Variants in MTMR11 observed in about 807,000 individuals in gnomAD.
MTMR11 encodes myotubularin related protein 11.
Under a neutral mutation model 100.0 loss-of-function variants are expected in MTMR11, and 89 were observed. The ratio of observed to expected loss-of-function variants is 0.89; its 90% CI spans 0.75 to 1.06. The LOEUF (loss-of-function observed/expected upper bound fraction) is 1.06, where lower values mean the gene tolerates loss of function less well. Among genes scored for constraint, MTMR11 ranks in the 50% least tolerant of loss-of-function variants. MTMR11 has a pLI of 0.00. For synonymous variants in MTMR11, 336 were observed against 326.3 expected (o/e 1.03, Z -0.32); for missense variants, 809 against 873.7 (o/e 0.93, Z 0.93).
At chr1:149,930,576 G>T in intron 14 of MTMR11, 29 bp from the exon 15 acceptor site, 1 of 1,571,848 alleles carries the variant, frequency 6.4e-7, no homozygotes, top group Non-Finnish European at 8.7e-7. Flanking sequence ...AAAAAGGATG[G>T]TTACACACAA....
intron 1 of MTMR11, 121 bp from the exon 2 acceptor site, chr1:149,936,350 T>G: frequency 1.3e-6 from 2 of 1,508,932 alleles, no homozygotes. Flanking sequence ...TCAGTGTCTG[T>G]GGGGAGCTCC....
Position 149,936,139 on chromosome 1 carries a change from A to T in MTMR11, c.142+15T>A. The T allele has an allele frequency of 1.2e-6, 2 of 1,609,040 alleles. No individual in the cohort carries two copies. Among genetic ancestry groups the T allele is most frequent in the African/African-American group, 1.3e-5 (1 of 74,860 alleles). On this transcript the variant is annotated intron_variant, in intron 2 of 16. Transcript: ENST00000439741. ...GAAATTTGGAAGTCTTTGGAGAGTG[A>T]TAGGGCATTATTACCTGGGAGGCAT... is the stretch of plus-strand genomic sequence containing the variant.
intron 2 of MTMR11, 84 bp downstream of exon 2, chr1:149,936,070 A>G (rs782573059): frequency 2.8e-6 from 4 of 1,410,226 alleles, no homozygotes. Context: ...AGAGGAACAC[A>G]GGGGTATCTT....
intron 10 of MTMR11, 110 bp from the exon 11 acceptor site, chr1:149,932,440 G>T: frequency 1.2e-6 from 1 of 826,678 alleles, no homozygotes; most frequent in Non-Finnish European, 2.0e-6. Flanking sequence ...ATTGTAAATG[G>T]CCAGGATGGT....
At chr1:149,932,169 A>G in intron 11 of MTMR11, 95 bp downstream of exon 11, 1 of 1,433,796 alleles carries the variant, frequency 7.0e-7, no homozygotes, top group South Asian at 1.2e-5. Flanking sequence ...GAAACCGAGG[A>G]GAAGAACTAA....
At chr1:149,933,251 C>A (rs2092683037) in intron 10 of MTMR11, among the ~76,000 whole-genome samples, 155 bp downstream of exon 10, 1 of 151,928 alleles carries the variant, frequency 6.6e-6, no homozygotes. Flanking sequence ...CCACCATGCC[C>A]AGCCGAGACT....
chr1:149,935,814 C>T, intron 2 of MTMR11, 109 bp from the exon 3 acceptor site: 1 of 1,279,994 alleles, frequency 7.8e-7, no homozygotes, highest in Non-Finnish European at 1.1e-6. Context: ...GATTAAAATC[C>T]TCCCCAAAGC....
chr1:149,929,287 G>A lies in MTMR11; in HGVS notation c.1972C>T (p.Leu658Phe). The A allele has an allele frequency of 6.2e-7, 1 of 1,614,074 alleles. No individual in the cohort carries two copies. The highest frequency in any genetic ancestry group is 8.5e-7 in the Non-Finnish European group (1 of 1,179,964). The change falls in exon 17 of 17, where the codon CTC becomes TTC. Residue 658 changes from leucine (L) to phenylalanine (F), a missense_variant. Transcript: ENST00000439741. ...TGAAGATGGGATAGCTCATCCTGGA[G>A]GCCAGAGATTGTGGGAGCTGAGAGG... is the stretch of plus-strand genomic sequence containing the variant. ...MGLSAPTISG[L>F]QDELSHLQEL...
chr1:149,934,055 G>C, intron 7 of MTMR11, 113 bp from the exon 8 acceptor site: 1 of 1,539,760 alleles, frequency 6.5e-7, no homozygotes, highest in Non-Finnish European at 9.0e-7. Context: ...TCAGGTTTAG[G>C]GATCTAGGAG....
rs1171354339 is a variant in MTMR11, at chr1:149,933,673, C to G, written c.797G>C (p.Gly266Ala). 1 of 1,614,178 alleles carries G rather than the reference C, an allele frequency of 6.2e-7. No individual in the cohort carries two copies. The highest frequency in any genetic ancestry group is 1.7e-5 in the Admixed American group (1 of 60,028). Residue 266 changes from glycine (G) to alanine (A), a missense_variant, in exon 9 of 17, where the codon GGC becomes GCC. Physicochemically the swap from Gly to Ala is moderately conservative, Grantham distance 60. Coordinates refer to ENST00000439741, the MANE Select transcript of MTMR11 (RefSeq NM_001145862.2). Reference protein sequence around the residue: ...GPRLSWHHPGGSDLLRCGGFY... With the variant: ...GPRLSWHHPGASDLLRCGGFY... ...GCCTCCACAGCGGAGAAGATCACTGCCCCCAGGGTGATGCCAGGACAAGCG... is the reference window on the plus strand; with the variant it reads ...GCCTCCACAGCGGAGAAGATCACTGGCCCCAGGGTGATGCCAGGACAAGCG...
In MTMR11 at chr1:149,929,849, A is replaced by AG. The variant is rs782492679; in HGVS notation, c.1714dup (p.Leu572ProfsTer29). 6.2e-7 allele frequency: 1 copy of AG among 1,614,178 alleles called. No homozygotes were observed. The highest frequency in any genetic ancestry group is 1.1e-5 in the South Asian group (1 of 91,084). ...GTCCCGCCAAGGACAGAGCTGATTC[A>AG]GGGGGGTCAATGCTCCTCTAGAGAA... is the stretch of plus-strand genomic sequence containing the variant. On this transcript the variant is annotated frameshift_variant, in exon 16 of 17. Coordinates refer to ENST00000439741, the MANE Select transcript of MTMR11 (RefSeq NM_001145862.2). LOFTEE classifies it high-confidence loss of function.
rs1348065080 is a variant in MTMR11 at position 149,936,624 on chromosome 1, C to T, written c.24G>A (p.Gln8=). MWWGGRG[Q]SFNIAPQKEE... The stretch of plus-strand genomic sequence containing the variant: ...CCTTCTGGGGGGCAATGTTGAAACT[C>T]TGGCCCCGGCCCCCCCACCACATTT... The change falls in exon 1 of 17, where the codon CAG becomes CAA. Residue 8 remains glutamine, a synonymous_variant. Coordinates refer to ENST00000439741, the MANE Select transcript of MTMR11 (RefSeq NM_001145862.2). 2.6e-6 allele frequency: 4 copies of T among 1,544,944 alleles called. No homozygotes were observed. In the African/African-American group the frequency reaches 5.5e-5, roughly 21 times the overall value.
chr1:149,928,707 TAC>T lies in MTMR11; in HGVS notation c.*420_*421del, dbSNP rs1364086207. ...TTAAATAGAAATTCCACTACAAAAA[TAC>T]AGAGGAGATAGGGTGTTTCCTGTAT... On this transcript the variant is annotated 3_prime_UTR_variant, in exon 17 of 17. Coordinates refer to ENST00000439741, the MANE Select transcript of MTMR11 (RefSeq NM_001145862.2). The T allele has an allele frequency of 7.5e-6, 5 of 668,274 alleles. No individual in the cohort carries two copies. The highest frequency in any genetic ancestry group is 7.3e-5 in the African/African-American group (4 of 54,968). The allele number at this position is 668,274 out of a possible 1,614,324, so 41.4% of individuals were successfully genotyped here.
At position 149,929,819 on chromosome 1, in the gene MTMR11, G is replaced by T. The variant is rs139934471; in HGVS notation, c.1745C>A (p.Pro582His). The T allele has an allele frequency of 9.3e-6, 15 of 1,614,076 alleles. No individual in the cohort carries two copies. The African/African-American group carries it at 1.9e-4, about 20-fold the overall frequency. The change falls in exon 16 of 17, where the codon CCT (proline) becomes CAT (histidine). Residue 582 changes from proline to histidine, a missense_variant. Transcript: ENST00000439741. ...LNQLCPWRDS[P>H]SLLAVSSRWL... ...ACGAGAAGAGACTGCCAGCAGGGAA[G>T]GACTGTCCCGCCAAGGACAGAGCTG...
Position 149,936,495 on chromosome 1 carries a change from C to T in MTMR11, c.66+87G>A, listed in dbSNP as rs191831056. The T allele has an allele frequency of 7.2e-5, 91 of 1,264,676 alleles. 1 individual carries two copies. The African/African-American group carries it at 8.7e-4, about 12-fold the overall frequency. 78.3% of individuals were successfully genotyped at this position (1,264,676 alleles called of 1,614,324 possible). ...AGACAGACACACCCTCCTCCTCCTCCTCTAGAGCCTTTGCTTCCCCCTTTT... is the reference window on the plus strand; with the variant it reads ...AGACAGACACACCCTCCTCCTCCTCTTCTAGAGCCTTTGCTTCCCCCTTTT... On this transcript the variant is annotated intron_variant, in intron 1 of 16. Transcript: ENST00000439741.
chr1:149,935,303 C>T lies in MTMR11; in HGVS notation c.321G>A (p.Glu107=). 6.2e-7 allele frequency: 1 copy of T among 1,613,778 alleles called. No homozygotes were observed. Among genetic ancestry groups the T allele is most frequent in the Non-Finnish European group, 8.5e-7 (1 of 1,179,818 alleles). The change falls in exon 4 of 17, where the codon GAG becomes GAA. Residue 107 remains glutamate, a synonymous_variant. Coordinates refer to ENST00000439741, the MANE Select transcript of MTMR11 (RefSeq NM_001145862.2). Reference sequence around the variant, plus strand: ...CCAAACCCCCCCCCAACTTACCAGCCTCTAATCGTCCAATGTTGACCAGGG... The same window carrying T: ...CCAAACCCCCCCCCAACTTACCAGCTTCTAATCGTCCAATGTTGACCAGGG... ...DFALVNIGRL[E]AVSGLSRVQL... is the part of the protein sequence containing the mutation.
chr1:149,930,992 G>T, intron 13 of MTMR11, 27 bp from the exon 14 acceptor site: 1 of 1,565,620 alleles, frequency 6.4e-7, no homozygotes, highest in South Asian at 1.2e-5. Flanking sequence ...AGGTTGGAAG[G>T]GATTATTGGG....
At chr1:149,936,042 G>A (rs2092717234) in intron 2 of MTMR11, 112 bp downstream of exon 2, 2 of 1,172,626 alleles carry the variant, frequency 1.7e-6, no homozygotes, top group African/African-American at 1.5e-5. Context: ...GCCTCAGGCA[G>A]ACGTACTTCG....
Position 149,933,665 on chromosome 1 carries a change from G to A in MTMR11, c.805C>T (p.Leu269Phe). 6.2e-7 allele frequency: 1 copy of A among 1,614,204 alleles called. No individual in the cohort carries two copies. Residue 269 changes from leucine (L) to phenylalanine (F), a missense_variant, in exon 9 of 17, where the codon CTT (leucine) becomes TTT (phenylalanine). By Grantham distance (22) the Leu-to-Phe change is conservative (BLOSUM62 0). Transcript: ENST00000439741. ...GTATAGAAGCCTCCACAGCGGAGAAGATCACTGCCCCCAGGGTGATGCCAG... is the reference window on the plus strand; with the variant it reads ...GTATAGAAGCCTCCACAGCGGAGAAAATCACTGCCCCCAGGGTGATGCCAG... Reference protein sequence around the residue: ...LSWHHPGGSDLLRCGGFYTAS... With the variant: ...LSWHHPGGSDFLRCGGFYTAS...
Sources: allele counts gnomAD v4.1 joint callset (sites outside exome capture counted in the v4.1 genomes callset), GRCh38; gene constraint gnomAD v4.1.1; transcripts MANE v1.5; gene names NCBI Gene and HGNC (gene_info 2026-07-23, HGNC 2026-07-21).